UMAD1: variants seen among roughly 807,000 people sequenced by gnomAD.
UMAD1 encodes the protein UBAP1-MVB12-associated (UMA) domain containing 1, also known as UBAP1-MVB12-associated (UMA)-domain containing protein 1.
In UMAD1, 8 loss-of-function variants were observed where a neutral mutation model predicts 6.1. The observed-to-expected ratio is 1.30, with a 90% CI of 0.76 to 2.35. The LOEUF is 2.35. UMAD1 is among the 30% of genes most tolerant of loss of function. The pLI, the probability that UMAD1 is intolerant of heterozygous loss-of-function variation, is 0.00. For missense variants in UMAD1, 130 were observed against 78.4 expected (o/e 1.66, Z -2.49); for synonymous variants, 56 against 31.4 (o/e 1.78, Z -2.61).
At chr7:7,744,972 C>G (rs1781543699) in intron 2 of UMAD1, among the ~76,000 whole-genome samples, 1 of 152,152 alleles carries the variant, frequency 6.6e-6, no homozygotes, top group Admixed American at 6.5e-5. Flanking sequence ...TCCCCCAAAG[C>G]TTAAACTACT....
chr7:7,809,773 G>A (rs148042440), intron 3 of UMAD1, among the ~76,000 whole-genome samples: 1 of 151,934 alleles, frequency 6.6e-6, no homozygotes, highest in Non-Finnish European at 1.5e-5. Context: ...AATAAAACAT[G>A]TTCACTCTTC....
intron 1 of UMAD1, among the ~76,000 whole-genome samples, chr7:7,649,114 T>A (rs1314405996): frequency 2.2e-5 from 3 of 136,402 alleles, no homozygotes; most frequent in Non-Finnish European, 3.0e-5. Flanking sequence ...GCCAAGATTG[T>A]GCCACTGCAC....
At chr7:7,768,269 C>T (rs75853684) in intron 2 of UMAD1, among the ~76,000 whole-genome samples, 3 of 152,066 alleles carry the variant, frequency 2.0e-5, no homozygotes, top group Non-Finnish European at 4.4e-5. Context: ...GAAAAGCAGC[C>T]TTCATTCTTC....
chr7:7,715,956 A>C (rs1780891659), intron 2 of UMAD1, among the ~76,000 whole-genome samples: 1 of 152,252 alleles, frequency 6.6e-6, no homozygotes, highest in African/African-American at 2.4e-5. Context: ...AGATAGTATA[A>C]AACATAGTTT....
At chr7:7,787,804 C>G (rs1188571960) in intron 2 of UMAD1, among the ~76,000 whole-genome samples, 1 of 152,212 alleles carries the variant, frequency 6.6e-6, no homozygotes, top group African/African-American at 2.4e-5. Flanking sequence ...GAAATCCCAT[C>G]CAAATTTCAC....
intron 2 of UMAD1, among the ~76,000 whole-genome samples, chr7:7,760,014 C>T (rs1781852826): frequency 6.6e-6 from 1 of 152,048 alleles, no homozygotes; most frequent in South Asian, 2.1e-4. Flanking sequence ...TAGAATATGG[C>T]CAAAGAGACC....
intron 3 of UMAD1, among the ~76,000 whole-genome samples, chr7:7,838,375 A>G (rs1317439491): frequency 6.6e-6 from 1 of 152,198 alleles, no homozygotes; most frequent in Non-Finnish European, 1.5e-5. Context: ...GATATTGACC[A>G]TACACGTATG....
intron 3 of UMAD1, among the ~76,000 whole-genome samples, chr7:7,874,631 A>G (rs1342580022): frequency 2.0e-5 from 3 of 152,232 alleles, no homozygotes; most frequent in Non-Finnish European, 4.4e-5. Context: ...AGCCTAGCCA[A>G]CATGGTGAAA....
chr7:7,866,157 A>G (rs6463734), intron 3 of UMAD1, among the ~76,000 whole-genome samples: 74,831 of 152,084 alleles, frequency 0.49, 19,143 homozygotes, highest in African/African-American at 0.59. Context: ...CTAATTCCTA[A>G]CTTATTTAGA....
At chr7:7,764,760 A>C (rs28510532) in intron 2 of UMAD1, among the ~76,000 whole-genome samples, 1,620 of 152,262 alleles carry the variant, frequency 0.011, 31 homozygotes, top group African/African-American at 0.036. Context: ...GCATATACTC[A>C]AGAACCATTC....
At chr7:7,777,945 A>G (rs1321776607) in intron 2 of UMAD1, among the ~76,000 whole-genome samples, 1 of 152,170 alleles carries the variant, frequency 6.6e-6, no homozygotes, top group East Asian at 1.9e-4. Context: ...CTGCTAGTGA[A>G]AGCCTTTGCT....
chr7:7,642,403 C>G (rs1175182276), intron 1 of UMAD1, among the ~76,000 whole-genome samples: 1 of 151,922 alleles, frequency 6.6e-6, no homozygotes, highest in South Asian at 2.1e-4. Context: ...ATCCCTCCCT[C>G]CCCCGTCTCC....
chr7:7,647,955 G>T (rs1409612671), intron 1 of UMAD1, among the ~76,000 whole-genome samples: 3 of 152,196 alleles, frequency 2.0e-5, no homozygotes, highest in African/African-American at 7.2e-5. Flanking sequence ...AGACGTGCCA[G>T]CTGTGTTTTG....
chr7:7,730,029 A>G (rs1049847111), intron 2 of UMAD1, among the ~76,000 whole-genome samples: 3 of 152,124 alleles, frequency 2.0e-5, no homozygotes, highest in African/African-American at 7.2e-5. Flanking sequence ...GGACCCTGCC[A>G]CTTTTCAACT....
chr7:7,844,108 T>C (rs1417050729), intron 3 of UMAD1, among the ~76,000 whole-genome samples: 1 of 152,192 alleles, frequency 6.6e-6, no homozygotes, highest in Non-Finnish European at 1.5e-5. Context: ...AATAAAAATG[T>C]ATGCCAAAAT....
chr7:7,677,282 A>T (rs1779764750), intron 2 of UMAD1, among the ~76,000 whole-genome samples: 1 of 152,144 alleles, frequency 6.6e-6, no homozygotes, highest in Non-Finnish European at 1.5e-5. Flanking sequence ...TTATTTAAAA[A>T]TATACAATAA....
intron 2 of UMAD1, among the ~76,000 whole-genome samples, chr7:7,673,794 T>C (rs762906558): frequency 1.3e-4 from 20 of 152,238 alleles, no homozygotes; most frequent in Non-Finnish European, 2.1e-4. Flanking sequence ...AGTACTAACC[T>C]TGTTTCATAA....
intron 2 of UMAD1, among the ~76,000 whole-genome samples, chr7:7,780,372 T>G (rs77562410): frequency 0.016 from 2,463 of 152,356 alleles, 32 homozygotes; most frequent in Non-Finnish European, 0.024. Context: ...TCCTATGCTA[T>G]TCTTTTATTT....
intron 3 of UMAD1, among the ~76,000 whole-genome samples, chr7:7,804,408 C>T (rs993498846): frequency 6.6e-6 from 1 of 152,234 alleles, no homozygotes; most frequent in African/African-American, 2.4e-5. Context: ...CGTGGTGGCT[C>T]ACACCTGTAA....
Sources: allele counts gnomAD v4.1 joint callset (sites outside exome capture counted in the v4.1 genomes callset), GRCh38; gene constraint gnomAD v4.1.1; transcripts MANE v1.5; gene names NCBI Gene and HGNC (gene_info 2026-07-23, HGNC 2026-07-21).